The following CDK14 variants were observed in gnomAD, a reference collection of about 807,000 sequenced individuals.
CDK14 encodes cyclin-dependent kinase 14.
A neutral mutation model predicts 60.7 loss-of-function variants in CDK14; 34 were observed. The ratio of observed to expected loss-of-function variants is 0.56; its 90% CI spans 0.43 to 0.75. The LOEUF is 0.75. CDK14 is among the 30% of genes least tolerant of loss of function. The pLI is 0.00. For synonymous variants in CDK14, 197 were observed against 203.7 expected (o/e 0.97, Z 0.28); for missense variants, 482 against 564.1 (o/e 0.85, Z 1.47).
chr7:90,935,232 CAT>C (rs1254642287), intron 8 of CDK14, among the ~76,000 whole-genome samples: 1 of 152,192 alleles, frequency 6.6e-6, no homozygotes, highest in Non-Finnish European at 1.5e-5. Context: ...GCAGAGCTCT[CAT>C]AACCTGATCA....
chr7:90,625,196 C>T (rs1175837437), intron 2 of CDK14, among the ~76,000 whole-genome samples: 1 of 152,076 alleles, frequency 6.6e-6, no homozygotes, highest in African/African-American at 2.4e-5. Flanking sequence ...AAAACCTGGC[C>T]AGGCGTGGTG....
chr7:91,150,590 T>C (rs1428930046), intron 14 of CDK14, among the ~76,000 whole-genome samples: 2 of 152,226 alleles, frequency 1.3e-5, no homozygotes, highest in South Asian at 2.1e-4. Flanking sequence ...TTATTTAGTA[T>C]ATAATCATTT....
At chr7:91,177,541 G>C (rs1351689813) in intron 14 of CDK14, among the ~76,000 whole-genome samples, 1 of 152,134 alleles carries the variant, frequency 6.6e-6, no homozygotes, top group Non-Finnish European at 1.5e-5. Flanking sequence ...CAGACGACAT[G>C]ATTGTATATC....
intron 5 of CDK14, among the ~76,000 whole-genome samples, chr7:90,830,547 G>A (rs1438624011): frequency 1.3e-5 from 2 of 152,142 alleles, no homozygotes; most frequent in Non-Finnish European, 2.9e-5. Flanking sequence ...CCCCATTGTC[G>A]TGGCTATTAC....
intron 3 of CDK14, among the ~76,000 whole-genome samples, chr7:90,729,140 T>C (rs1802750345): frequency 4.6e-5 from 7 of 151,520 alleles, no homozygotes; most frequent in Admixed American, 4.6e-4. Context: ...AGAGAATAAA[T>C]CTCTGGCGGG....
In CDK14 at chr7:91,079,331, T is replaced by A. The variant is rs920378991; in HGVS notation, c.1106-101T>A. 8.4e-6 allele frequency: 6 copies of A among 716,456 alleles called. No homozygotes were observed. In the African/African-American group the frequency reaches 1.1e-4, roughly 13 times the overall value. 44.4% of individuals were successfully genotyped at this position (716,456 alleles called of 1,614,324 possible). A position where few individuals can be genotyped will look rare whatever the true frequency, so the allele number is the denominator to read the frequency against. ...ACCTTACTATGCTGGCCTAACTGAC[T>A]GAGTAGCCCACTCTTTTTTTAAAGT... On this transcript the variant is annotated intron_variant, in intron 11 of 14. Coordinates refer to ENST00000380050, the MANE Select transcript of CDK14 (RefSeq NM_001287135.2).
At chr7:91,185,012 A>G (rs1455811062) in intron 14 of CDK14, among the ~76,000 whole-genome samples, 1 of 151,090 alleles carries the variant, frequency 6.6e-6, no homozygotes, top group East Asian at 1.9e-4. Context: ...GCGTGCATAC[A>G]TTGCGAGTGG....
intron 4 of CDK14, among the ~76,000 whole-genome samples, chr7:90,766,806 C>T (rs1316477341): frequency 6.6e-6 from 1 of 152,132 alleles, no homozygotes; most frequent in African/African-American, 2.4e-5. Context: ...GCAGCTCTCT[C>T]ATCAACAGCT....
intron 2 of CDK14, among the ~76,000 whole-genome samples, chr7:90,649,706 C>T (rs933413052): frequency 9.9e-5 from 15 of 151,856 alleles, no homozygotes; most frequent in Admixed American, 2.0e-4. Flanking sequence ...TGAGAACATG[C>T]AGTGTTTGGT....
At chr7:91,096,925 G>C (rs560482557) in intron 12 of CDK14, among the ~76,000 whole-genome samples, 1 of 152,192 alleles carries the variant, frequency 6.6e-6, no homozygotes, top group East Asian at 1.9e-4. Context: ...GAGAATCAAA[G>C]TAAACAGCCC....
intron 11 of CDK14, among the ~76,000 whole-genome samples, chr7:91,058,285 A>C (rs1156346069): frequency 2.6e-5 from 4 of 151,980 alleles, no homozygotes; most frequent in Non-Finnish European, 4.4e-5. Flanking sequence ...GAAGTTGCTT[A>C]TCAGCTTAAG....
chr7:90,813,599 A>T (rs1789227440), intron 5 of CDK14, among the ~76,000 whole-genome samples: 2 of 151,984 alleles, frequency 1.3e-5, no homozygotes, highest in African/African-American at 4.8e-5. Flanking sequence ...AATATTGTAA[A>T]TTAGCTGGGC....
chr7:91,091,237 T>C (rs1343619609), intron 12 of CDK14, among the ~76,000 whole-genome samples: 2 of 148,030 alleles, frequency 1.4e-5, no homozygotes, highest in Non-Finnish European at 3.0e-5. Flanking sequence ...CTGTAAAAAA[T>C]TTATCTGTAA....
chr7:90,715,225 G>GAAAC (rs1802205400), intron 2 of CDK14, among the ~76,000 whole-genome samples: 1 of 152,034 alleles, frequency 6.6e-6, no homozygotes, highest in South Asian at 2.1e-4. Context: ...ACTCAAAAGT[G>GAAAC]AAAACAAACA....
chr7:90,838,476 G>A (rs982493732), intron 5 of CDK14, among the ~76,000 whole-genome samples: 3 of 152,248 alleles, frequency 2.0e-5, no homozygotes, highest in East Asian at 1.9e-4. Flanking sequence ...GACTGCCTGC[G>A]GGGTCAGGCA....
chr7:90,869,079 A>G (rs1271714106), intron 6 of CDK14, among the ~76,000 whole-genome samples: 2 of 152,224 alleles, frequency 1.3e-5, no homozygotes, highest in Admixed American at 6.5e-5. Context: ...TTTGATGTTT[A>G]AATCTGTGAA....
chr7:91,201,962 T>C (rs1444629229), intron 14 of CDK14, among the ~76,000 whole-genome samples: 2 of 152,188 alleles, frequency 1.3e-5, no homozygotes, highest in African/African-American at 4.8e-5. Context: ...CAGTACTCTC[T>C]CTAATTAGTC....
intron 6 of CDK14, among the ~76,000 whole-genome samples, chr7:90,891,106 C>T (rs1792109435): frequency 6.6e-6 from 1 of 152,160 alleles, no homozygotes; most frequent in Admixed American, 6.6e-5. Flanking sequence ...AATTTGGGAC[C>T]ACATGGGGTA....
intron 14 of CDK14, among the ~76,000 whole-genome samples, chr7:91,118,684 C>T (rs190546743): frequency 2.6e-5 from 4 of 152,310 alleles, no homozygotes; most frequent in East Asian, 1.9e-4. Context: ...GAAGTGTTTG[C>T]GTGTAACTGA....
Sources: allele counts gnomAD v4.1 joint callset (sites outside exome capture counted in the v4.1 genomes callset), GRCh38; gene constraint gnomAD v4.1.1; transcripts MANE v1.5; gene names NCBI Gene and HGNC (gene_info 2026-07-23, HGNC 2026-07-21).